MPP4: variants seen among roughly 807,000 people sequenced by gnomAD.
The protein encoded by MPP4 is MAGUK p55 subfamily member 4.
MPP4 carries 91 observed loss-of-function variants against 98.3 expected under a neutral mutation model. The observed-to-expected ratio is 0.93, with a 90% confidence interval of 0.78 to 1.10. The LOEUF is 1.10. Among genes scored for constraint, MPP4 ranks in the 50% least tolerant of loss-of-function variants. The probability of loss-of-function intolerance (pLI) is 0.00; values close to 1 mark genes in which losing one functional copy is unlikely to be tolerated. For synonymous variants in MPP4, 261 were observed against 271.8 expected (o/e 0.96, Z 0.39); for missense variants, 744 against 792.9 (o/e 0.94, Z 0.74).
chr2:201,678,732 G>T (rs534245467), intron 10 of MPP4, among the ~76,000 whole-genome samples: 2 of 152,050 alleles, frequency 1.3e-5, no homozygotes, highest in Non-Finnish European at 2.9e-5. Context: ...GAGGTGGGGG[G>T]TGTGTCCTTG....
chr2:201,676,760 C>T (rs1439438426), intron 10 of MPP4, among the ~76,000 whole-genome samples: 2 of 152,044 alleles, frequency 1.3e-5, no homozygotes, highest in African/African-American at 2.4e-5. Context: ...ATTAGTTGGA[C>T]GTGGTGGTGC....
chr2:201,690,424 G>T, intron 3 of MPP4, 145 bp from the exon 4 acceptor site: 1 of 510,736 alleles, frequency 2.0e-6, no homozygotes, highest in South Asian at 3.5e-5. Flanking sequence ...AGTAAGTTGT[G>T]TCTCTAGTTG....
intron 13 of MPP4, chr2:201,665,553 G>A (rs1229210768): frequency 6.6e-6 from 1 of 152,090 alleles, no homozygotes; most frequent in East Asian, 1.9e-4. Flanking sequence ...AAAATATAAT[G>A]GAAATTGTAG....
chr2:201,659,440 T>G (rs759896145), intron 15 of MPP4, among the ~76,000 whole-genome samples: 7 of 152,150 alleles, frequency 4.6e-5, no homozygotes, highest in Non-Finnish European at 1.0e-4. Context: ...CATTGAGATC[T>G]CAGGAAAAAA....
At chr2:201,660,164 GA>G (rs1303423278) in intron 15 of MPP4, among the ~76,000 whole-genome samples, 167 bp downstream of exon 15, 4 of 152,092 alleles carry the variant, frequency 2.6e-5, no homozygotes, top group African/African-American at 4.8e-5. Context: ...ACTTAGTTTG[GA>G]AGTGTGTTTC....
At chr2:201,664,660 T>A (rs568791727) in intron 13 of MPP4, among the ~76,000 whole-genome samples, 12 of 152,238 alleles carry the variant, frequency 7.9e-5, no homozygotes, top group African/African-American at 2.6e-4. Context: ...AGATTAAGGA[T>A]TAAGAAACAT....
chr2:201,697,931 C>A (rs1189878540), intron 1 of MPP4: 1 of 985,296 alleles, frequency 1.0e-6, no homozygotes, highest in Non-Finnish European at 1.2e-6. Flanking sequence ...AAAAGACTTA[C>A]CTTCCTTTCC....
intron 16 of MPP4, among the ~76,000 whole-genome samples, chr2:201,657,590 G>GTTTTTTTTCTTTTTTTTTTT (rs1687884945): frequency 1.1e-5 from 1 of 91,124 alleles, no homozygotes; most frequent in African/African-American, 4.3e-5. Context: ...CCTGGCCCTT[G>GTTTTTTTTCTTTTTTTTTTT]TTTTTTTTTT....
intron 21 of MPP4, 118 bp downstream of exon 21, chr2:201,647,573 G>A (rs1487758662): frequency 1.9e-6 from 2 of 1,064,428 alleles, no homozygotes; most frequent in African/African-American, 1.6e-5. Context: ...CTTTTGGAGA[G>A]GGGGTCAAAA....
At chr2:201,664,273 C>T (rs1688104508) in intron 13 of MPP4, 172 bp from the exon 14 acceptor site, 2 of 1,479,250 alleles carry the variant, frequency 1.4e-6, no homozygotes, top group South Asian at 2.4e-5. Context: ...CATATATCAG[C>T]TTTACATGAA....
chr2:201,661,064 G>T (rs1688011795), intron 14 of MPP4, among the ~76,000 whole-genome samples: 1 of 152,028 alleles, frequency 6.6e-6, no homozygotes, highest in African/African-American at 2.4e-5. Context: ...GGGATTATAG[G>T]CATGAGCCAC....
At position 201,675,294 on chromosome 2, in the gene MPP4, C is replaced by T. The variant is rs750022960; in HGVS notation, c.930-23G>A. 2.4e-5 allele frequency: 38 copies of T among 1,595,834 alleles called. No homozygotes were observed. In the Middle Eastern group the frequency reaches 1.2e-3, roughly 52 times the overall value. On this transcript the variant is annotated intron_variant, in intron 10 of 21. Coordinates refer to ENST00000409474, the MANE Select transcript of MPP4 (RefSeq NM_033066.3). ...TTCCTATGGGGGGGAAAAAACCATG[C>T]GACAAAAAACAAACAAAAACCACTC...
intron 14 of MPP4, among the ~76,000 whole-genome samples, chr2:201,663,679 T>A (rs1199629522): frequency 6.6e-6 from 1 of 152,148 alleles, no homozygotes; most frequent in Non-Finnish European, 1.5e-5. Context: ...TCATACCACT[T>A]GCACCTCACC....
At chr2:201,690,786 TGG>T (rs1462491410) in intron 3 of MPP4, among the ~76,000 whole-genome samples, 1 of 152,208 alleles carries the variant, frequency 6.6e-6, no homozygotes, top group Non-Finnish European at 1.5e-5. Context: ...CTTTGTGCTT[TGG>T]GGCTGTTTCC....
At chr2:201,651,362 C>G (rs1687708647) in intron 18 of MPP4, 1 of 985,278 alleles carries the variant, frequency 1.0e-6, no homozygotes, top group South Asian at 4.7e-5. Context: ...TCTCCCATAG[C>G]TTCCTACTTA....
rs12470388 is a variant in MPP4, at chr2:201,692,281, T to C, written c.201+627A>G. Among the ~76,000 whole-genome samples, 567 of 152,300 alleles carry C rather than the reference T, an allele frequency of 3.7e-3. 13 individuals carry two copies. The highest frequency in any genetic ancestry group is 0.034 in the Admixed American group (523 of 15,298). On this transcript the variant is annotated intron_variant, in intron 3 of 21. Transcript: ENST00000409474. ...AAGGCTAGCTGGGTGTGGTGGCTCA[T>C]GCCTGTAATCCCAGCACTTTGGGAA...
At chr2:201,683,027 G>A (rs1181646768) in intron 7 of MPP4, 111 bp from the exon 8 acceptor site, 1 of 711,736 alleles carries the variant, frequency 1.4e-6, no homozygotes, top group African/African-American at 1.8e-5. Flanking sequence ...CTCTAAAAAT[G>A]TTTAATATAA....
chr2:201,656,518 A>C (rs1687853083), intron 16 of MPP4, 150 bp from the exon 17 acceptor site: 1 of 775,256 alleles, frequency 1.3e-6, no homozygotes, highest in Admixed American at 3.5e-5. Flanking sequence ...AAGTAATATG[A>C]GGGAAAAATA....
chr2:201,672,296 A>G (rs1017520891), intron 11 of MPP4, among the ~76,000 whole-genome samples: 1 of 152,240 alleles, frequency 6.6e-6, no homozygotes, highest in African/African-American at 2.4e-5. Context: ...AGAAAGCAAG[A>G]AAGATCCAAA....
Sources: allele counts gnomAD v4.1 joint callset (sites outside exome capture counted in the v4.1 genomes callset), GRCh38; gene constraint gnomAD v4.1.1; transcripts MANE v1.5; gene names NCBI Gene and HGNC (gene_info 2026-07-23, HGNC 2026-07-21).